GPC5: variants seen among roughly 807,000 people sequenced by gnomAD.
The protein encoded by GPC5 is glypican 5, also known as glypican-5.
GPC5 carries 47 observed loss-of-function variants against 53.9 expected under a neutral mutation model. The ratio of observed to expected loss-of-function variants is 0.87; its 90% confidence interval spans 0.69 to 1.11. The LOEUF (loss-of-function observed/expected upper bound fraction) is 1.11. GPC5 is among the 50% of genes most tolerant of loss of function. The pLI is 0.00. For missense variants in GPC5, 748 were observed against 713.1 expected, an observed-to-expected ratio of 1.05 and a Z score of -0.56; for synonymous variants, 286 against 263.3, an observed-to-expected ratio of 1.09 and a Z score of -0.84.
chr13:91,689,027 G>T (rs2035683612), intron 2 of GPC5, among the ~76,000 whole-genome samples: 1 of 150,692 alleles, frequency 6.6e-6, no homozygotes, highest in African/African-American at 2.4e-5. Flanking sequence ...AATTAGCCTG[G>T]CATGGTGGTC....
intron 5 of GPC5, among the ~76,000 whole-genome samples, chr13:91,851,376 G>C (rs1293656192): frequency 6.6e-6 from 1 of 152,116 alleles, no homozygotes; most frequent in Non-Finnish European, 1.5e-5. Context: ...TTCAGGACTG[G>C]AAGTTGCTCT....
intron 7 of GPC5, among the ~76,000 whole-genome samples, chr13:92,402,173 C>T (rs1875588036): frequency 6.6e-6 from 1 of 151,982 alleles, no homozygotes; most frequent in Admixed American, 6.6e-5. Flanking sequence ...TTAAATTAGC[C>T]AGTATTGGAT....
intron 7 of GPC5, among the ~76,000 whole-genome samples, chr13:92,168,063 G>T (rs1041765527): frequency 2.6e-5 from 4 of 151,992 alleles, no homozygotes; most frequent in Non-Finnish European, 5.9e-5. Context: ...GCATCTCAAC[G>T]TTGACTATCT....
chr13:91,410,790 A>G (rs927789954), intron 1 of GPC5, among the ~76,000 whole-genome samples: 1 of 152,220 alleles, frequency 6.6e-6, no homozygotes, highest in Non-Finnish European at 1.5e-5. Flanking sequence ...TAGTTCATTC[A>G]TATGGTAAAA....
chr13:92,361,666 A>G (rs557482301), intron 7 of GPC5, among the ~76,000 whole-genome samples: 20 of 151,684 alleles, frequency 1.3e-4, no homozygotes, highest in Non-Finnish European at 2.9e-4. Context: ...GCAGGCAGCT[A>G]AAGAGGAGGA....
chr13:92,748,816 C>T (rs951380065), intron 7 of GPC5, among the ~76,000 whole-genome samples: 10 of 151,830 alleles, frequency 6.6e-5, no homozygotes, highest in African/African-American at 2.2e-4. Flanking sequence ...TTTTAAGCAC[C>T]TCATACATTA....
intron 7 of GPC5, among the ~76,000 whole-genome samples, chr13:92,534,092 G>T (rs973262999): frequency 2.6e-5 from 4 of 152,086 alleles, no homozygotes; most frequent in Non-Finnish European, 5.9e-5. Context: ...ATCAAGACCA[G>T]CCTGGGCAAT....
intron 6 of GPC5, among the ~76,000 whole-genome samples, chr13:91,954,053 G>T (rs1284574957): frequency 6.6e-6 from 1 of 152,104 alleles, no homozygotes; most frequent in Admixed American, 6.5e-5. Context: ...AAAAAATTAT[G>T]AATGGTTCTA....
chr13:92,142,055 G>C (rs1216795422), intron 6 of GPC5, among the ~76,000 whole-genome samples: 1 of 152,052 alleles, frequency 6.6e-6, no homozygotes, highest in Admixed American at 6.6e-5. Flanking sequence ...GAAACTTTGG[G>C]GGACAGTGGG....
intron 2 of GPC5, among the ~76,000 whole-genome samples, chr13:91,498,119 C>T (rs769115080): frequency 2.0e-4 from 30 of 147,606 alleles, no homozygotes; most frequent in Non-Finnish European, 2.1e-4. Flanking sequence ...ATGCTTTTCA[C>T]CCCCCTACCT....
At position 92,704,922 on chromosome 13, in the gene GPC5, G is replaced by GAT. The variant is rs915627926; in HGVS notation, c.1562-161350_1562-161349dup. On this transcript the variant is annotated intron_variant, in intron 7 of 7. Coordinates refer to ENST00000377067, the MANE Select transcript of GPC5 (RefSeq NM_004466.6). ...GAGTATATATATATACACTTATATG[G>GAT]ATATATATATACTTGAATACATGTA... 2.2e-4 allele frequency among the ~76,000 whole-genome samples: 33 copies of GAT among 150,366 alleles called. 1 individual carries two copies. Among genetic ancestry groups the GAT allele is most frequent in the Middle Eastern group, 3.5e-3 (1 of 288 alleles).
chr13:92,592,149 AT>A (rs1176207906), intron 7 of GPC5, among the ~76,000 whole-genome samples: 1 of 152,214 alleles, frequency 6.6e-6, no homozygotes, highest in East Asian at 1.9e-4. Flanking sequence ...CTGTCAACCC[AT>A]GTAACCTTCG....
At chr13:91,512,506 CT>C (rs1435477544) in intron 2 of GPC5, among the ~76,000 whole-genome samples, 1 of 152,246 alleles carries the variant, frequency 6.6e-6, no homozygotes, top group African/African-American at 2.4e-5. Context: ...CTATTCTGCC[CT>C]GCTCCTGATT....
At chr13:92,075,688 C>T (rs1224017413) in intron 6 of GPC5, among the ~76,000 whole-genome samples, 1 of 152,038 alleles carries the variant, frequency 6.6e-6, no homozygotes, top group African/African-American at 2.4e-5. Context: ...ATTGGAACAT[C>T]TTTTATTTAA....
At chr13:91,840,887 T>C (rs771159362) in intron 5 of GPC5, among the ~76,000 whole-genome samples, 15 of 152,048 alleles carry the variant, frequency 9.9e-5, no homozygotes, top group Non-Finnish European at 1.8e-4. Context: ...AACAGTACAA[T>C]GTGAGTCTAG....
chr13:92,435,883 A>G (rs927334313), intron 7 of GPC5, among the ~76,000 whole-genome samples: 3 of 152,212 alleles, frequency 2.0e-5, no homozygotes, highest in Admixed American at 6.5e-5. Context: ...CACTTAATTC[A>G]ACTCAAAACA....
chr13:92,663,880 A>ATATACACACACACAC (rs1886471621), intron 7 of GPC5, among the ~76,000 whole-genome samples: 2 of 64,838 alleles, frequency 3.1e-5, no homozygotes, highest in Non-Finnish European at 5.6e-5. Context: ...ATATATATAT[A>ATATACACACACACAC]TATATATATA....
At chr13:91,575,589 A>C (rs184002869) in intron 2 of GPC5, among the ~76,000 whole-genome samples, 1 of 152,170 alleles carries the variant, frequency 6.6e-6, no homozygotes, top group African/African-American at 2.4e-5. Context: ...AACTGTACCC[A>C]CTGGCAGAAA....
At chr13:92,374,744 C>T (rs1260967807) in intron 7 of GPC5, among the ~76,000 whole-genome samples, 1 of 148,236 alleles carries the variant, frequency 6.7e-6, no homozygotes, top group Non-Finnish European at 1.5e-5. Context: ...GGGAGATATA[C>T]CTAATGCTAG....
Sources: allele counts gnomAD v4.1 joint callset (sites outside exome capture counted in the v4.1 genomes callset), GRCh38; gene constraint gnomAD v4.1.1; transcripts MANE v1.5; gene names NCBI Gene and HGNC (gene_info 2026-07-23, HGNC 2026-07-21).